The following MSL2 variants were observed in gnomAD, a reference collection of about 807,000 sequenced individuals.
The protein encoded by MSL2 is E3 ubiquitin-protein ligase MSL2.
Under a neutral mutation model 35.8 loss-of-function variants are expected in MSL2, and 2 were observed. The ratio of observed to expected loss-of-function variants is 0.06; its 90% CI spans 0.02 to 0.18. The LOEUF (loss-of-function observed/expected upper bound fraction) is 0.18, where lower values mean the gene tolerates loss of function less well. Ranked by LOEUF, MSL2 falls within the 10% of genes least tolerant of loss-of-function variation. The pLI, the probability that MSL2 is intolerant of heterozygous loss-of-function variation, is 1.00. For missense variants in MSL2, 523 were observed against 706.7 expected (o/e 0.74, Z 2.95); for synonymous variants, 296 against 255.7 (o/e 1.16, Z -1.50).
Position 136,195,224 on chromosome 3 carries a change from C to T in MSL2, c.-111G>A, listed in dbSNP as rs1210381498. On this transcript the variant is annotated 5_prime_UTR_variant, in exon 1 of 2. Coordinates refer to ENST00000309993, the MANE Select transcript of MSL2 (RefSeq NM_018133.4). ...TGCAACAATTCGGAAGAAATCAGAG[C>T]CGAACCATTGGCCAAACAAGTAACC... 4.8e-5 allele frequency: 73 copies of T among 1,517,532 alleles called. No homozygotes were observed. The highest frequency in any genetic ancestry group is 5.8e-5 in the Non-Finnish European group (66 of 1,137,494). The allele number at this position is 1,517,532 out of a possible 1,614,324, so 94.0% of individuals were successfully genotyped here.
At chr3:136,178,510 G>T (rs902452594) in intron 1 of MSL2, among the ~76,000 whole-genome samples, 1 of 150,586 alleles carries the variant, frequency 6.6e-6, no homozygotes, top group African/African-American at 2.4e-5. Flanking sequence ...ACTTAAGACA[G>T]CACTGCTTAA....
chr3:136,161,198 AAAC>A (rs1292376157), intron 1 of MSL2, among the ~76,000 whole-genome samples: 2 of 152,238 alleles, frequency 1.3e-5, no homozygotes, highest in South Asian at 2.1e-4. Context: ...GCTAAATTCA[AAAC>A]AACAATGCCA....
chr3:136,181,824 CAGA>C (rs1940373073), intron 1 of MSL2, among the ~76,000 whole-genome samples: 1 of 152,034 alleles, frequency 6.6e-6, no homozygotes, highest in African/African-American at 2.4e-5. Flanking sequence ...GAGGCTGAGG[CAGA>C]AGAACTGCTG....
rs1576362156 is a variant in MSL2 at position 136,165,788 on chromosome 3, T to C, written c.143-13050A>G. On this transcript the variant is annotated intron_variant, in intron 1 of 1. Transcript: ENST00000309993. ...TAATTGTTAATGGCTACAAAAGAAA[T>C]AGAAAGAATGAATAAGACCTAGTAT... Among the ~76,000 whole-genome samples, 3 of 152,034 alleles carry C rather than the reference T, an allele frequency of 2.0e-5. No individual in the cohort carries two copies. In the East Asian group the frequency reaches 5.8e-4, roughly 29 times the overall value.
At chr3:136,173,345 C>G (rs1940082547) in intron 1 of MSL2, among the ~76,000 whole-genome samples, 1 of 152,152 alleles carries the variant, frequency 6.6e-6, no homozygotes, top group Non-Finnish European at 1.5e-5. Flanking sequence ...TCTCATCTCT[C>G]TTTTGCCAAC....
intron 1 of MSL2, among the ~76,000 whole-genome samples, chr3:136,174,923 G>A (rs1236295855): frequency 6.6e-6 from 1 of 152,146 alleles, no homozygotes; most frequent in Non-Finnish European, 1.5e-5. Context: ...CTAAACTCAT[G>A]ATTAGACTAA....
intron 1 of MSL2, among the ~76,000 whole-genome samples, chr3:136,170,403 G>A (rs549564089): frequency 6.8e-6 from 1 of 147,930 alleles, no homozygotes; most frequent in South Asian, 2.1e-4. Context: ...TGTGACTGAA[G>A]TACAAGACCT....
chr3:136,193,070 C>T (rs1940735952), intron 1 of MSL2, among the ~76,000 whole-genome samples: 2 of 152,036 alleles, frequency 1.3e-5, no homozygotes, highest in South Asian at 4.1e-4. Flanking sequence ...ATAAGAAAGC[C>T]CTGTCAGAAA....
At chr3:136,174,530 G>A (rs992652641) in intron 1 of MSL2, among the ~76,000 whole-genome samples, 2 of 152,198 alleles carry the variant, frequency 1.3e-5, no homozygotes, top group African/African-American at 2.4e-5. Context: ...GAAGAAATAG[G>A]AACAGGTACT....
intron 1 of MSL2, among the ~76,000 whole-genome samples, chr3:136,185,395 TTCAAG>T (rs2108091251): frequency 6.6e-6 from 1 of 152,174 alleles, no homozygotes; most frequent in East Asian, 1.9e-4. Flanking sequence ...AGAAAAATCA[TTCAAG>T]TCATCATAGA....
intron 1 of MSL2, among the ~76,000 whole-genome samples, chr3:136,185,908 A>G (rs1389931920): frequency 1.3e-5 from 2 of 152,228 alleles, no homozygotes; most frequent in East Asian, 3.9e-4. Context: ...ACTAAAATCA[A>G]TGGAGACAAT....
chr3:136,196,029 G>T lies in MSL2; in HGVS notation c.-916C>A. The T allele has an allele frequency of 6.1e-6, 1 of 165,268 alleles. No homozygotes were observed. 10.2% of individuals were successfully genotyped at this position (165,268 alleles called of 1,614,324 possible). A position where few individuals can be genotyped will look rare whatever the true frequency, so the allele number is the denominator to read the frequency against. Reference sequence around the variant, plus strand: ...TCCTCCGCCGAGCACGACGGCCGCCGCCGCCCTCAGCACTCCCCGGCCGCG... The same window carrying T: ...TCCTCCGCCGAGCACGACGGCCGCCTCCGCCCTCAGCACTCCCCGGCCGCG... On this transcript the variant is annotated 5_prime_UTR_variant, in exon 1 of 2. Coordinates refer to ENST00000309993, the MANE Select transcript of MSL2 (RefSeq NM_018133.4).
intron 1 of MSL2, among the ~76,000 whole-genome samples, chr3:136,190,654 G>A (rs112488063): frequency 1.1e-4 from 16 of 151,900 alleles, no homozygotes; most frequent in South Asian, 2.1e-4. Flanking sequence ...AATCCTAACA[G>A]GATTTTTGAT....
chr3:136,192,114 G>A (rs113159281), intron 1 of MSL2, among the ~76,000 whole-genome samples: 6 of 152,188 alleles, frequency 3.9e-5, no homozygotes, highest in African/African-American at 9.7e-5. Context: ...TGCACTCAAA[G>A]GAGATATAAG....
intron 1 of MSL2, among the ~76,000 whole-genome samples, chr3:136,178,679 C>A (rs990553537): frequency 1.3e-5 from 2 of 151,770 alleles, no homozygotes; most frequent in African/African-American, 2.4e-5. Flanking sequence ...AAATTACAGG[C>A]GCCCACCATG....
In MSL2 at chr3:136,151,686, T is replaced by C; in HGVS notation, c.1195A>G (p.Lys399Glu). The change falls in exon 2 of 2, where the codon AAA (lysine) becomes GAA (glutamate). Residue 399 changes from lysine to glutamate, a missense_variant. Physicochemically the swap from Lys to Glu is moderately conservative, Grantham distance 56 (BLOSUM62 1). This residue lies in a region of MSL2 where 361 missense variants were observed against 414.6 expected (regional missense o/e 0.87). Transcript: ENST00000309993. This position sits in a 1 kb window ranked among gnomAD's most constrained non-coding sequence, Gnocchi z 5.2. ...CTTTTAGTAGATAAAAGTACAGTTT[T>C]GCTGATTTTAGGTGTTGTGCCTCCA... is the stretch of plus-strand genomic sequence containing the variant. The part of the protein sequence containing the change: ...PNGGTTPKIS[K>E]TVLLSTKSMK... The C allele has an allele frequency of 2.5e-6, 4 of 1,614,176 alleles. No homozygotes were observed. The highest frequency in any genetic ancestry group is 3.4e-6 in the Non-Finnish European group (4 of 1,180,030).
In MSL2 at chr3:136,149,983, ACAG is replaced by A. The variant is rs1380538476; in HGVS notation, c.*1161_*1163del. On this transcript the variant is annotated 3_prime_UTR_variant, in exon 2 of 2. Transcript: ENST00000309993. ...AAGCAACTGACTAGATTTCCCTTCAACAGAATGTTTGTGACTCACTTGTCTTCC... is the reference window on the plus strand; with the variant it reads ...AAGCAACTGACTAGATTTCCCTTCAAAATGTTTGTGACTCACTTGTCTTCC... 6.6e-6 allele frequency: 1 copy of A among 152,596 alleles called. No individual in the cohort carries two copies. The allele number at this position is 152,596 out of a possible 1,614,324, so 9.5% of individuals were successfully genotyped here.
chr3:136,161,671 C>T (rs1939710543), intron 1 of MSL2, among the ~76,000 whole-genome samples: 1 of 152,110 alleles, frequency 6.6e-6, no homozygotes, highest in African/African-American at 2.4e-5. Flanking sequence ...AGCAGAAAAA[C>T]AGTGGTTGCC....
At chr3:136,162,686 C>T (rs1939742359) in intron 1 of MSL2, among the ~76,000 whole-genome samples, 1 of 152,144 alleles carries the variant, frequency 6.6e-6, no homozygotes, top group South Asian at 2.1e-4. Flanking sequence ...ACTTTCAAAC[C>T]ATGTAAATAT....
Sources: allele counts gnomAD v4.1 joint callset (sites outside exome capture counted in the v4.1 genomes callset), GRCh38; gene constraint gnomAD v4.1.1; regional missense constraint gnomAD v4.1.1; non-coding constraint Gnocchi (gnomAD v3.1); transcripts MANE v1.5; gene names NCBI Gene and HGNC (gene_info 2026-07-23, HGNC 2026-07-21).